CYP7B1: variants seen among roughly 807,000 people sequenced by gnomAD.
CYP7B1 encodes cytochrome P450 7B1.
In CYP7B1, 29 loss-of-function variants were observed where a neutral mutation model predicts 42.7. That is an observed-to-expected ratio of 0.68 (90% CI 0.51 to 0.93). CYP7B1 has a LOEUF of 0.93. Among genes scored for constraint, CYP7B1 ranks in the 40% least tolerant of loss-of-function variants. The pLI is 0.00. For missense variants in CYP7B1, 655 were observed against 600.5 expected (o/e 1.09, Z -0.95); for synonymous variants, 235 against 218.2 (o/e 1.08, Z -0.68).
intron 1 of CYP7B1, among the ~76,000 whole-genome samples, chr8:64,712,282 T>C (rs1443071420): frequency 6.6e-6 from 1 of 152,186 alleles, no homozygotes; most frequent in East Asian, 1.9e-4. Flanking sequence ...TCCTTTTTTT[T>C]TTTTTTAAAA....
Position 64,688,695 on chromosome 8 carries a change from C to T in CYP7B1, c.123-64156G>A, listed in dbSNP as rs1038295168. Reference sequence around the variant, plus strand: ...ATCCCAGCACTTTGGGAGGCTGAGGCGGGTGGATCACTTGAGCCCAGGAGT... The same window carrying T: ...ATCCCAGCACTTTGGGAGGCTGAGGTGGGTGGATCACTTGAGCCCAGGAGT... On this transcript the variant is annotated intron_variant, in intron 1 of 5. Transcript: ENST00000310193. Among the ~76,000 whole-genome samples the T allele has an allele frequency of 5.9e-5, 9 of 152,104 alleles. No individual in the cohort carries two copies. In the East Asian group the frequency reaches 1.4e-3, roughly 23 times the overall value.
intron 1 of CYP7B1, among the ~76,000 whole-genome samples, chr8:64,751,759 G>T (rs1807729851): frequency 6.6e-6 from 1 of 152,010 alleles, no homozygotes; most frequent in African/African-American, 2.4e-5. Flanking sequence ...TTTCTTTTCT[G>T]CCTCAAAAAC....
At chr8:64,750,353 C>G (rs1020823029) in intron 1 of CYP7B1, among the ~76,000 whole-genome samples, 3 of 152,148 alleles carry the variant, frequency 2.0e-5, no homozygotes, top group African/African-American at 4.8e-5. Context: ...TCTCCAAAAC[C>G]TTACAACCCA....
intron 1 of CYP7B1, among the ~76,000 whole-genome samples, chr8:64,720,836 A>C (rs564441989): frequency 3.4e-4 from 52 of 152,140 alleles, no homozygotes; most frequent in Non-Finnish European, 7.2e-4. Flanking sequence ...GTCTCTGGGT[A>C]ATGAAAGTGC....
At chr8:64,754,752 T>G (rs746600151) in intron 1 of CYP7B1, among the ~76,000 whole-genome samples, 8 of 152,178 alleles carry the variant, frequency 5.3e-5, no homozygotes, top group Non-Finnish European at 1.2e-4. Flanking sequence ...GAAAAGCCCC[T>G]GCAGAGTTTT....
chr8:64,771,080 T>A (rs947514683), intron 1 of CYP7B1, among the ~76,000 whole-genome samples: 3 of 132,320 alleles, frequency 2.3e-5, no homozygotes, highest in Non-Finnish European at 4.7e-5. Context: ...TTTTTTTTTT[T>A]AGACAGGGTC....
intron 1 of CYP7B1, among the ~76,000 whole-genome samples, chr8:64,685,864 G>A (rs1453872058): frequency 2.4e-4 from 10 of 41,768 alleles, no homozygotes; most frequent in South Asian, 1.2e-3. Flanking sequence ...CGTGCCATCC[G>A]GGAGGGAGGT....
chr8:64,658,437 C>T lies in CYP7B1; in HGVS notation c.123-33898G>A, dbSNP rs560771873. On this transcript the variant is annotated intron_variant, in intron 1 of 5. Coordinates refer to ENST00000310193, the MANE Select transcript of CYP7B1 (RefSeq NM_004820.5). Reference sequence around the variant, plus strand: ...CTTATGAAGAGTACTTTGAACAGTGCTTGCCTCTTTTTCCTTGTCTTATAA... The same window carrying T: ...CTTATGAAGAGTACTTTGAACAGTGTTTGCCTCTTTTTCCTTGTCTTATAA... Among the ~76,000 whole-genome samples, 64 of 152,132 alleles carry T rather than the reference C, an allele frequency of 4.2e-4. 1 individual carries two copies. Among genetic ancestry groups the T allele is most frequent in the Middle Eastern group, 6.8e-3 (2 of 294 alleles).
chr8:64,761,144 T>C (rs73243429), intron 1 of CYP7B1, among the ~76,000 whole-genome samples: 2,280 of 152,164 alleles, frequency 0.015, 51 homozygotes, highest in African/African-American at 0.051. Flanking sequence ...AGGTTGAACC[T>C]AGAGAAACAG....
At chr8:64,735,454 G>A (rs761123284) in intron 1 of CYP7B1, among the ~76,000 whole-genome samples, 27 of 152,094 alleles carry the variant, frequency 1.8e-4, no homozygotes, top group Non-Finnish European at 1.3e-4. Flanking sequence ...TTTATATCTG[G>A]ATAACAAAAC....
intron 1 of CYP7B1, among the ~76,000 whole-genome samples, chr8:64,783,652 C>G (rs1378013747): frequency 6.6e-6 from 1 of 151,716 alleles, no homozygotes; most frequent in Non-Finnish European, 1.5e-5. Context: ...AATAAGATAA[C>G]CCATGATAAT....
chr8:64,609,516 A>G (rs1805333755), intron 4 of CYP7B1, among the ~76,000 whole-genome samples: 1 of 152,180 alleles, frequency 6.6e-6, no homozygotes, highest in African/African-American at 2.4e-5. Context: ...GACAACTATC[A>G]TGCCATTTTC....
intron 1 of CYP7B1, among the ~76,000 whole-genome samples, chr8:64,768,853 T>C (rs1804155931): frequency 6.6e-6 from 1 of 152,010 alleles, no homozygotes; most frequent in Non-Finnish European, 1.5e-5. Context: ...AACAAAGCCC[T>C]CAATAAAAGA....
chr8:64,643,893 G>T (rs758788873), intron 1 of CYP7B1, among the ~76,000 whole-genome samples: 1 of 152,012 alleles, frequency 6.6e-6, no homozygotes. Context: ...ACATCTTCAG[G>T]CTCCACTTTT....
Position 64,591,226 on chromosome 8 carries a change from G to C in CYP7B1, c.*5416C>G, listed in dbSNP as rs938929121. Among the ~76,000 whole-genome samples the C allele has an allele frequency of 6.6e-6, 1 of 152,080 alleles. No individual in the cohort carries two copies. The highest frequency in any genetic ancestry group is 1.5e-5 in the Non-Finnish European group (1 of 68,000). On this transcript the variant is annotated 3_prime_UTR_variant, in exon 6 of 6. Coordinates refer to ENST00000310193, the MANE Select transcript of CYP7B1 (RefSeq NM_004820.5). ...CTGATTTAGATAAACAAATGAAGTAGAGTAATAATTACTTTAGATAAATAC... is the reference window on the plus strand; with the variant it reads ...CTGATTTAGATAAACAAATGAAGTACAGTAATAATTACTTTAGATAAATAC...
chr8:64,615,593 G>C, intron 3 of CYP7B1, 98 bp downstream of exon 3: 1 of 1,124,740 alleles, frequency 8.9e-7, no homozygotes, highest in South Asian at 1.3e-5. Context: ...ATTAGAAAGA[G>C]CATAAAAAAT....
At chr8:64,723,877 A>G (rs1253506701) in intron 1 of CYP7B1, among the ~76,000 whole-genome samples, 2 of 152,216 alleles carry the variant, frequency 1.3e-5, no homozygotes, top group Non-Finnish European at 2.9e-5. Context: ...ACGTTAAAAG[A>G]GTCTGTTAAA....
intron 1 of CYP7B1, among the ~76,000 whole-genome samples, chr8:64,643,213 A>G (rs907505325): frequency 2.7e-5 from 4 of 149,916 alleles, no homozygotes; most frequent in African/African-American, 9.8e-5. Flanking sequence ...ACACACACAC[A>G]TATACAAGCA....
intron 1 of CYP7B1, among the ~76,000 whole-genome samples, chr8:64,678,804 C>G (rs918051145): frequency 6.6e-6 from 1 of 151,956 alleles, no homozygotes; most frequent in African/African-American, 2.4e-5. Context: ...GGGATGAGAA[C>G]TGTACAGGCC....
Sources: allele counts gnomAD v4.1 joint callset (sites outside exome capture counted in the v4.1 genomes callset), GRCh38; gene constraint gnomAD v4.1.1; transcripts MANE v1.5; gene names NCBI Gene and HGNC (gene_info 2026-07-23, HGNC 2026-07-21).